Variants in TENM4 observed in about 807,000 individuals in gnomAD.
TENM4 encodes the protein teneurin transmembrane protein 4.
A neutral mutation model predicts 243.3 loss-of-function variants in TENM4; 82 were observed. The ratio of observed to expected loss-of-function variants is 0.34; its 90% CI spans 0.28 to 0.40. TENM4 has a LOEUF of 0.40. TENM4 is among the 10% of genes least tolerant of loss of function. The pLI is 1.00. For synonymous variants in TENM4, 1,412 were observed against 1,456.3 expected (o/e 0.97, Z 0.69); for missense variants, 3,138 against 3,673.3 (o/e 0.85, Z 3.77).
intron 9 of TENM4, among the ~76,000 whole-genome samples, chr11:78,880,079 G>A (rs1859391012): frequency 6.6e-6 from 1 of 152,318 alleles, no homozygotes; most frequent in African/African-American, 2.4e-5. Context: ...AAAGAAGTTG[G>A]CATAGGAGAC....
chr11:79,085,619 G>A (rs1860792991), intron 4 of TENM4, among the ~76,000 whole-genome samples: 1 of 152,138 alleles, frequency 6.6e-6, no homozygotes, highest in South Asian at 2.1e-4. Context: ...TAAAGACTCA[G>A]TCAATAGGTG....
intron 2 of TENM4, among the ~76,000 whole-genome samples, chr11:79,262,299 T>C (rs894277902): frequency 6.6e-6 from 1 of 152,200 alleles, no homozygotes; most frequent in Non-Finnish European, 1.5e-5. Flanking sequence ...GTGCACAGTT[T>C]ATGGGTGCTT....
chr11:79,006,744 T>C (rs779228083), intron 6 of TENM4, among the ~76,000 whole-genome samples: 9 of 152,224 alleles, frequency 5.9e-5, no homozygotes, highest in Admixed American at 2.6e-4. Flanking sequence ...AAACTCTGAA[T>C]GTGAAAAAGC....
intron 3 of TENM4, among the ~76,000 whole-genome samples, chr11:79,177,844 G>A (rs1863197317): frequency 6.6e-6 from 1 of 152,146 alleles, no homozygotes; most frequent in Admixed American, 6.5e-5. Context: ...CATCAGGGTG[G>A]GCCCTGCTGT....
chr11:79,432,311 G>T (rs1426960025), intron 1 of TENM4, among the ~76,000 whole-genome samples: 1 of 152,108 alleles, frequency 6.6e-6, no homozygotes, highest in Non-Finnish European at 1.5e-5. Context: ...CTGTCATGTG[G>T]GATGATGTGA....
rs566836532 is a variant in TENM4 at position 78,720,422 on chromosome 11, G to T, written c.3801-32C>A. 15 of 1,613,454 alleles carry T rather than the reference G, an allele frequency of 9.3e-6. No homozygotes were observed. In the African/African-American group the frequency reaches 1.6e-4, roughly 17 times the overall value. The stretch of plus-strand genomic sequence containing the variant: ...GAAGACAGGAGAGCAGGGAATAGAA[G>T]AAAGAATGAGGTGTTAGCAGCAGGG... On this transcript the variant is annotated intron_variant, in intron 24 of 33. Transcript: ENST00000278550.
In TENM4 at chr11:78,670,224, G is replaced by A; in HGVS notation, c.6121C>T (p.Leu2041=). Residue 2041 remains leucine, a synonymous_variant, in exon 32 of 34, where the codon CTG becomes TTG. Coordinates refer to ENST00000278550, the MANE Select transcript of TENM4 (RefSeq NM_001098816.3). ...TCATTCTGTAGGTTGATGGTCTTCA[G>A]CATGCCTGCCGTCTCGTCATAGGTG... ...SFTYDETAGM[L]KTINLQNEGF... 1 of 1,613,962 alleles carries A rather than the reference G, an allele frequency of 6.2e-7. No homozygotes were observed. The highest frequency in any genetic ancestry group is 8.5e-7 in the Non-Finnish European group (1 of 1,179,876).
At chr11:78,950,718 A>C (rs1857093446) in intron 6 of TENM4, among the ~76,000 whole-genome samples, 1 of 152,242 alleles carries the variant, frequency 6.6e-6, no homozygotes, top group African/African-American at 2.4e-5. Context: ...TTCACATTGA[A>C]TTCTAATACC....
intron 4 of TENM4, among the ~76,000 whole-genome samples, chr11:79,128,101 A>AGATCCAATG (rs1276906793): frequency 6.6e-6 from 1 of 152,234 alleles, no homozygotes; most frequent in Non-Finnish European, 1.5e-5. Flanking sequence ...ATGACCCAGC[A>AGATCCAATG]GATCCAATGG....
intron 32 of TENM4, among the ~76,000 whole-genome samples, chr11:78,661,966 C>T (rs1157731894): frequency 6.6e-6 from 1 of 152,116 alleles, no homozygotes; most frequent in East Asian, 1.9e-4. Flanking sequence ...GACAGCCAGA[C>T]CCACCAAAAG....
intron 9 of TENM4, among the ~76,000 whole-genome samples, chr11:78,874,857 C>T (rs945948299): frequency 2.0e-5 from 3 of 151,984 alleles, no homozygotes. Flanking sequence ...TTTTTCTTTC[C>T]CACTGGAGGC....
Position 78,656,485 on chromosome 11 carries a change from T to G in TENM4, c.*1573A>C, listed in dbSNP as rs547422305. ...AGGGGCTCCCAGCTCTGGCTGTGACTCCCCCTGCCCTCACTGCTCCCCCAG... is the reference window on the plus strand; with the variant it reads ...AGGGGCTCCCAGCTCTGGCTGTGACGCCCCCTGCCCTCACTGCTCCCCCAG... On this transcript the variant is annotated 3_prime_UTR_variant, in exon 34 of 34. Transcript: ENST00000278550. 1 of 152,440 alleles carries G rather than the reference T, an allele frequency of 6.6e-6. No individual in the cohort carries two copies. The highest frequency in any genetic ancestry group is 2.4e-5 in the African/African-American group (1 of 41,458). 9.4% of individuals were successfully genotyped at this position (152,440 alleles called of 1,614,324 possible). A position where few individuals can be genotyped will look rare whatever the true frequency, so the allele number is the denominator to read the frequency against.
At chr11:79,418,590 A>G (rs749916111) in intron 1 of TENM4, among the ~76,000 whole-genome samples, 2 of 152,090 alleles carry the variant, frequency 1.3e-5, no homozygotes, top group Non-Finnish European at 2.9e-5. Context: ...ATGATTTCTC[A>G]TTTTCCTGTG....
rs202162420 is a variant in TENM4, at chr11:78,884,467, A to C, written c.1084+5318T>G. 2.9e-3 allele frequency among the ~76,000 whole-genome samples: 7 copies of C among 2,428 alleles called. No individual in the cohort carries two copies. In the South Asian group the frequency reaches 0.096, roughly 33 times the overall value. The allele number at this position is 2,428 out of a possible 152,430, so 1.6% of individuals were successfully genotyped here. The stretch of plus-strand genomic sequence containing the variant: ...ACATTGTCTGTTCCAGCCCAGGGCT[A>C]TTATATAGCATAGTTGGCTGAAAGC... On this transcript the variant is annotated intron_variant, in intron 9 of 33. Transcript: ENST00000278550.
chr11:79,330,285 A>G (rs79663382), intron 1 of TENM4, among the ~76,000 whole-genome samples: 1,954 of 152,300 alleles, frequency 0.013, 47 homozygotes, highest in African/African-American at 0.045. Context: ...CATGGGAGTG[A>G]GGAAAATGGA....
chr11:78,707,570 C>T (rs979697096), intron 27 of TENM4, among the ~76,000 whole-genome samples: 1 of 152,242 alleles, frequency 6.6e-6, no homozygotes, highest in African/African-American at 2.4e-5. Flanking sequence ...TTTGAGTGTA[C>T]CAGCCTCATT....
chr11:79,213,020 G>A (rs1035337134), intron 3 of TENM4, among the ~76,000 whole-genome samples: 2 of 152,164 alleles, frequency 1.3e-5, no homozygotes, highest in Non-Finnish European at 2.9e-5. Context: ...GGCTCAATGA[G>A]GAGCTATTCT....
intron 2 of TENM4, among the ~76,000 whole-genome samples, chr11:79,233,845 T>C (rs561679919): frequency 6.6e-6 from 1 of 152,210 alleles, no homozygotes; most frequent in Non-Finnish European, 1.5e-5. Flanking sequence ...GGCTTAGCCA[T>C]GGTCTGGATC....
intron 2 of TENM4, among the ~76,000 whole-genome samples, chr11:79,223,667 G>A (rs1215543736): frequency 6.6e-6 from 1 of 152,106 alleles, no homozygotes; most frequent in Non-Finnish European, 1.5e-5. Context: ...CCCAGACCTT[G>A]TATGCTCCAG....
Sources: allele counts gnomAD v4.1 joint callset (sites outside exome capture counted in the v4.1 genomes callset), GRCh38; gene constraint gnomAD v4.1.1; transcripts MANE v1.5; gene names NCBI Gene and HGNC (gene_info 2026-07-23, HGNC 2026-07-21).